Variants in ANXA5 observed in about 807,000 individuals in gnomAD.
The protein encoded by ANXA5 is annexin A5.
In ANXA5, 40 loss-of-function variants were observed where a neutral mutation model predicts 48.1. The ratio of observed to expected loss-of-function variants is 0.83; its 90% CI spans 0.65 to 1.08. The LOEUF is 1.08. Ranked by LOEUF, ANXA5 falls within the 50% of genes least tolerant of loss-of-function variation. ANXA5 has a pLI of 0.00. For synonymous variants in ANXA5, 113 were observed against 129.1 expected, an observed-to-expected ratio of 0.88 and a Z score of 0.85; for missense variants, 357 against 376.8, an observed-to-expected ratio of 0.95 and a Z score of 0.44.
Position 121,686,324 on chromosome 4 carries a change from C to T in ANXA5, c.58G>A (p.Asp20Asn), listed in dbSNP as rs374862609. The stretch of plus-strand genomic sequence containing the variant: ...ATAGCCTTCCGAAGAGTTTCTGCAT[C>T]AGCCCGCTCATCAAATCCAGGGAAG... ...TDFPGFDERA[D>N]AETLRKAMKG... Residue 20 changes from aspartate (D) to asparagine (N), a missense_variant, in exon 3 of 13, where the codon GAT becomes AAT. Physicochemically the swap from Asp to Asn is conservative, Grantham distance 23 (BLOSUM62 1). Transcript: ENST00000296511. 4 of 1,613,990 alleles carry T rather than the reference C, an allele frequency of 2.5e-6. No homozygotes were observed. Among genetic ancestry groups the T allele is most frequent in the Non-Finnish European group, 3.4e-6 (4 of 1,179,990 alleles).
intron 2 of ANXA5, among the ~76,000 whole-genome samples, chr4:121,690,079 T>C (rs924634393): frequency 3.3e-5 from 5 of 152,072 alleles, no homozygotes; most frequent in African/African-American, 1.2e-4. Context: ...ACAATCAGAG[T>C]GGCAGCTAGT....
At chr4:121,676,176 C>T (rs972576172) in intron 8 of ANXA5, among the ~76,000 whole-genome samples, 1 of 152,160 alleles carries the variant, frequency 6.6e-6, no homozygotes, top group African/African-American at 2.4e-5. Flanking sequence ...CAGTACTGAA[C>T]AAAGCCCCTA....
intron 2 of ANXA5, among the ~76,000 whole-genome samples, chr4:121,696,170 A>T (rs1192693326): frequency 6.2e-5 from 1 of 16,202 alleles, no homozygotes; most frequent in East Asian, 1.7e-3. Context: ...AAATAAAGGA[A>T]GTCGGGGGGC....
intron 2 of ANXA5, among the ~76,000 whole-genome samples, chr4:121,693,364 T>A (rs1245907186): frequency 6.6e-6 from 1 of 152,190 alleles, no homozygotes; most frequent in Non-Finnish European, 1.5e-5. Context: ...AGACTGCGTC[T>A]AAGAAGCACT....
chr4:121,671,928 AC>A (rs1176309671), intron 9 of ANXA5, among the ~76,000 whole-genome samples: 4 of 152,176 alleles, frequency 2.6e-5, no homozygotes, highest in Middle Eastern at 3.2e-3. Context: ...AAAGTGATAC[AC>A]AGATAGGACT....
At chr4:121,692,855 G>A (rs971927609) in intron 2 of ANXA5, among the ~76,000 whole-genome samples, 32 of 152,228 alleles carry the variant, frequency 2.1e-4, no homozygotes, top group African/African-American at 7.2e-4. Context: ...TTGCGCTCAT[G>A]TTTAACAATA....
Position 121,668,211 on chromosome 4 carries a change from T to C in ANXA5, c.*257A>G, listed in dbSNP as rs529593458. ...GCACTCTAGCCTCTTAAAAAATATA[T>C]ATAAATGGAAAATGGCCAGGCATTA... On this transcript the variant is annotated 3_prime_UTR_variant, in exon 13 of 13. Transcript: ENST00000296511. 3.5e-5 allele frequency: 11 copies of C among 318,304 alleles called. No homozygotes were observed. Among genetic ancestry groups the C allele is most frequent in the Non-Finnish European group, 6.3e-5 (11 of 174,872 alleles). The allele number at this position is 318,304 out of a possible 1,614,324, so 19.7% of individuals were successfully genotyped here.
rs111296688 is a variant in ANXA5 at position 121,692,166 on chromosome 4, C to T, written c.9+4415G>A. ...TGTCTATCCATCCTACCACCTTTGA[C>T]CTGTTTCTTAAAATCAAATGCAAGG... On this transcript the variant is annotated intron_variant, in intron 2 of 12. Transcript: ENST00000296511. Among the ~76,000 whole-genome samples, 174 of 152,222 alleles carry T rather than the reference C, an allele frequency of 1.1e-3. 2 individuals are homozygous for T. The highest frequency in any genetic ancestry group is 4.0e-3 in the African/African-American group (167 of 41,532).
At chr4:121,684,625 T>C (rs1485409854) in intron 4 of ANXA5, 52 bp downstream of exon 4, 3 of 1,472,780 alleles carry the variant, frequency 2.0e-6, no homozygotes, top group East Asian at 4.5e-5. Context: ...AAACTAGTCT[T>C]ATAACTGATA....
chr4:121,685,895 G>A (rs1276421774), intron 3 of ANXA5, among the ~76,000 whole-genome samples: 2 of 152,196 alleles, frequency 1.3e-5, no homozygotes, highest in East Asian at 1.9e-4. Context: ...CAGTTCTAGA[G>A]ACTGAATATT....
intron 8 of ANXA5, among the ~76,000 whole-genome samples, chr4:121,674,337 A>G (rs1379856550): frequency 6.6e-6 from 1 of 151,782 alleles, no homozygotes; most frequent in Non-Finnish European, 1.5e-5. Flanking sequence ...AAAGAAAAGG[A>G]AAAAGGAGAA....
intron 8 of ANXA5, among the ~76,000 whole-genome samples, chr4:121,673,895 T>C (rs948438427): frequency 2.6e-5 from 4 of 151,882 alleles, no homozygotes; most frequent in African/African-American, 7.3e-5. Flanking sequence ...AAAATAGAAG[T>C]TGCAGGCTAG....
At chr4:121,684,186 A>C (rs1249982060) in intron 4 of ANXA5, among the ~76,000 whole-genome samples, 1 of 150,886 alleles carries the variant, frequency 6.6e-6, no homozygotes, top group Non-Finnish European at 1.5e-5. Context: ...ATTCATTTAA[A>C]TTTAAATAAT....
intron 2 of ANXA5, among the ~76,000 whole-genome samples, chr4:121,687,020 A>G (rs114722788): frequency 0.015 from 2,309 of 152,316 alleles, 24 homozygotes; most frequent in Middle Eastern, 0.024. Flanking sequence ...AAAATTAGTG[A>G]TATCGGCTGG....
At chr4:121,689,228 T>C (rs564013660) in intron 2 of ANXA5, among the ~76,000 whole-genome samples, 122 of 152,328 alleles carry the variant, frequency 8.0e-4, no homozygotes, top group Non-Finnish European at 1.3e-3. Flanking sequence ...ATCAGTATCA[T>C]TGTAAAAATG....
At chr4:121,682,962 T>C (rs895512745) in intron 5 of ANXA5, among the ~76,000 whole-genome samples, 1 of 152,148 alleles carries the variant, frequency 6.6e-6, no homozygotes, top group Non-Finnish European at 1.5e-5. Context: ...TCTTGAAAAT[T>C]CTCTCTGAAG....
At chr4:121,688,100 C>T (rs967858786) in intron 2 of ANXA5, among the ~76,000 whole-genome samples, 1 of 152,088 alleles carries the variant, frequency 6.6e-6, no homozygotes, top group Non-Finnish European at 1.5e-5. Flanking sequence ...TGTAAGAATC[C>T]AGAGACAGCT....
At chr4:121,670,050 T>A in intron 10 of ANXA5, 38 bp from the exon 11 acceptor site, 1 of 1,439,204 alleles carries the variant, frequency 6.9e-7, no homozygotes, top group Non-Finnish European at 9.6e-7. Context: ...AATGCTATTT[T>A]GATATGTAAA....
At position 121,686,381 on chromosome 4, in the gene ANXA5, C is replaced by T. The variant is rs766755473; in HGVS notation, c.10-9G>A. ...ACAGTGCCTCTGAGAACCTAATTCA[C>T]GAAACACAGTGGTATTATTCATATC... is the stretch of plus-strand genomic sequence containing the variant. On this transcript the variant is annotated splice_polypyrimidine_tract_variant and intron_variant, in intron 2 of 12. Transcript: ENST00000296511. The T allele has an allele frequency of 4.9e-5, 79 of 1,605,888 alleles. No homozygotes were observed. Among genetic ancestry groups the T allele is most frequent in the Admixed American group, 3.5e-4 (21 of 59,926 alleles).
Sources: allele counts gnomAD v4.1 joint callset (sites outside exome capture counted in the v4.1 genomes callset), GRCh38; gene constraint gnomAD v4.1.1; transcripts MANE v1.5; gene names NCBI Gene and HGNC (gene_info 2026-07-23, HGNC 2026-07-21).